SMCO1: variants seen among roughly 807,000 people sequenced by gnomAD.
SMCO1 encodes the protein single-pass membrane protein with coiled-coil domains 1.
SMCO1 carries 9 observed loss-of-function variants against 7.5 expected under a neutral mutation model. The ratio of observed to expected loss-of-function variants is 1.20; its 90% CI spans 0.72 to 2.09. SMCO1 has a LOEUF of 2.09. Among genes scored for constraint, SMCO1 ranks in the 30% most tolerant of loss-of-function variants. SMCO1 has a pLI of 0.00. For missense variants in SMCO1, 219 were observed against 253.1 expected, an observed-to-expected ratio of 0.87 and a Z score of 0.91; for synonymous variants, 90 against 93.8, an observed-to-expected ratio of 0.96 and a Z score of 0.23.
intron 1 of SMCO1, among the ~76,000 whole-genome samples, chr3:196,513,779 G>GT (rs749847474): frequency 6.6e-6 from 1 of 152,136 alleles, no homozygotes; most frequent in African/African-American, 2.4e-5. Flanking sequence ...AGTTGCAGCA[G>GT]TTCTTTGGAA....
intron 1 of SMCO1, among the ~76,000 whole-genome samples, chr3:196,512,668 C>CT (rs1360154339): frequency 4.1e-4 from 62 of 151,870 alleles, no homozygotes; most frequent in African/African-American, 1.4e-3. Context: ...CCACCACATC[C>CT]GGCTAATTTT....
chr3:196,512,657 G>A (rs573156238), intron 1 of SMCO1, among the ~76,000 whole-genome samples: 8 of 151,384 alleles, frequency 5.3e-5, no homozygotes, highest in African/African-American at 7.3e-5. Context: ...GATTACAGGC[G>A]CCACCACATC....
chr3:196,516,029 AT>A (rs1258512199), upstream of SMCO1, among the ~76,000 whole-genome samples: 128 of 116,148 alleles, frequency 1.1e-3, 2 homozygotes, highest in South Asian at 8.2e-3. Context: ...ATATATATAT[AT>A]AATTATATAT....
upstream of SMCO1, among the ~76,000 whole-genome samples, chr3:196,515,992 T>C (rs1432319931): frequency 2.9e-5 from 1 of 34,146 alleles, no homozygotes; most frequent in South Asian, 8.3e-4. Flanking sequence ...GGATAGGATA[T>C]ATATATATAT....
intron 1 of SMCO1, among the ~76,000 whole-genome samples, chr3:196,511,909 G>C (rs1170410479): frequency 5.5e-5 from 6 of 109,796 alleles, no homozygotes; most frequent in African/African-American, 2.3e-4. Context: ...GTAGATTGTT[G>C]TTATGAGGGA....
chr3:196,518,468 C>T (rs181624651), upstream of SMCO1, among the ~76,000 whole-genome samples: 40 of 152,272 alleles, frequency 2.6e-4, 2 homozygotes, highest in Middle Eastern at 0.041. Flanking sequence ...AGCCATATCA[C>T]GATGCTCAGC....
At chr3:196,512,509 CT>C (rs36023059) in intron 1 of SMCO1, among the ~76,000 whole-genome samples, 6,938 of 113,924 alleles carry the variant, frequency 0.061, 94 homozygotes, top group Non-Finnish European at 0.08. Flanking sequence ...TATTTCCTTT[CT>C]TTTTTTTTTT....
chr3:196,516,081 C>T (rs1177951749), upstream of SMCO1, among the ~76,000 whole-genome samples: 2 of 114,342 alleles, frequency 1.7e-5, no homozygotes, highest in Non-Finnish European at 1.9e-5. Context: ...TAATTTATAT[C>T]GTATATAAAA....
At chr3:196,516,818 C>T (rs1733396737), upstream of SMCO1, among the ~76,000 whole-genome samples, 1 of 151,998 alleles carries the variant, frequency 6.6e-6, no homozygotes, top group Admixed American at 6.6e-5. Context: ...TTAATCTAGG[C>T]TCAGGTGCAG....
chr3:196,517,104 C>CAAAAAAAA (rs56104987), upstream of SMCO1, among the ~76,000 whole-genome samples: 36 of 35,738 alleles, frequency 1.0e-3, 8 homozygotes, highest in African/African-American at 5.2e-3. Flanking sequence ...GACTCCATCG[C>CAAAAAAAA]AAAAAAAAAA....
chr3:196,509,469 GA>G, intron 2 of SMCO1, 50 bp downstream of exon 2: 1 of 1,530,112 alleles, frequency 6.5e-7, no homozygotes, highest in Non-Finnish European at 8.9e-7. Context: ...ATGACCAGTG[GA>G]AGCTCTCACA....
Position 196,509,554 on chromosome 3 carries a change from G to A in SMCO1, c.166C>T (p.Gln56Ter). The A allele has an allele frequency of 1.2e-6, 2 of 1,613,920 alleles. No homozygotes were observed. The highest frequency in any genetic ancestry group is 1.7e-6 in the Non-Finnish European group (2 of 1,179,934). The change falls in exon 2 of 3, where the codon CAA (glutamine) becomes TAA (stop). Residue 56 changes from glutamine to a stop codon, truncating the protein, a stop_gained. Coordinates refer to ENST00000397537, the MANE Select transcript of SMCO1 (RefSeq NM_001077657.3). LOFTEE classifies it low-confidence loss of function (END_TRUNC). ...CGAACTGCTGTCCACATCTCATCTT[G>A]GGCTGCTTGGCTTGCCAAAGCCTTA... ...HSKALASQAA[Q>*]DEMWTAVRAL... is the part of the protein sequence containing the mutation.
Position 196,507,264 on chromosome 3 carries a change from C to T in SMCO1, c.*623G>A, listed in dbSNP as rs1044559292. The T allele has an allele frequency of 2.2e-4, 34 of 152,252 alleles. No individual in the cohort carries two copies. Among genetic ancestry groups the T allele is most frequent in the African/African-American group, 7.5e-4 (31 of 41,408 alleles). 9.4% of individuals were successfully genotyped at this position (152,252 alleles called of 1,614,324 possible). On this transcript the variant is annotated 3_prime_UTR_variant, in exon 3 of 3. Coordinates refer to ENST00000397537, the MANE Select transcript of SMCO1 (RefSeq NM_001077657.3). ...TCACCAGGGACCCCTCCCTGTCTGCCTAGGAATTTACCTGCCTCCTATTGC... is the reference window on the plus strand; with the variant it reads ...TCACCAGGGACCCCTCCCTGTCTGCTTAGGAATTTACCTGCCTCCTATTGC...
At chr3:196,512,656 C>T (rs992959626) in intron 1 of SMCO1, among the ~76,000 whole-genome samples, 5 of 151,532 alleles carry the variant, frequency 3.3e-5, no homozygotes, top group Admixed American at 2.6e-4. Flanking sequence ...GGATTACAGG[C>T]GCCACCACAT....
chr3:196,519,377 G>C (rs562972852), upstream of SMCO1, among the ~76,000 whole-genome samples: 1 of 152,204 alleles, frequency 6.6e-6, no homozygotes, highest in Admixed American at 6.5e-5. Context: ...TGTAAGACAC[G>C]TTGGTCCACT....
upstream of SMCO1, among the ~76,000 whole-genome samples, chr3:196,515,650 G>C (rs1256826759): frequency 6.6e-6 from 1 of 151,994 alleles, no homozygotes; most frequent in Admixed American, 6.6e-5. Context: ...GAGTGCCCCA[G>C]ATCTTTTATG....
rs1397994196 is a variant in SMCO1 at position 196,508,323 on chromosome 3, G to T, written c.209C>A (p.Ser70Ter). ...WTAVRALQLTSMELNILYSYV... is the reference protein window; with the variant it reads ...WTAVRALQLT ...GCTGTATAAAATATTCAATTCCATT[G>T]AAGTGAGCCTACAAAAAATATGGAG... The change falls in exon 3 of 3, where the codon TCA becomes TAA. Residue 70 changes from serine to a stop codon, truncating the protein, a stop_gained. Coordinates refer to ENST00000397537, the MANE Select transcript of SMCO1 (RefSeq NM_001077657.3). LOFTEE classifies it low-confidence loss of function (END_TRUNC). 6.3e-7 allele frequency: 1 copy of T among 1,588,776 alleles called. No individual in the cohort carries two copies. The highest frequency in any genetic ancestry group is 8.6e-7 in the Non-Finnish European group (1 of 1,168,090).
rs1733164352 is a variant in SMCO1 at position 196,509,625 on chromosome 3, A to T, written c.95T>A (p.Leu32Gln). 6.2e-7 allele frequency: 1 copy of T among 1,614,052 alleles called. No individual in the cohort carries two copies. Among genetic ancestry groups the T allele is most frequent in the East Asian group, 2.2e-5 (1 of 44,880 alleles). Residue 32 changes from leucine to glutamine, a missense_variant, in exon 2 of 3, where the codon CTA becomes CAA. Leu to Gln is a moderately radical substitution (Grantham distance 113). Coordinates refer to ENST00000397537, the MANE Select transcript of SMCO1 (RefSeq NM_001077657.3). The part of the protein sequence containing the change: ...LQALETQFKE[L>Q]DFTKDNLMQK... Reference sequence around the variant, plus strand: ...CATCAGGTTATCCTTGGTGAAGTCTAGTTCTTTGAACTGTGTTTCTAACGC... The same window carrying T: ...CATCAGGTTATCCTTGGTGAAGTCTTGTTCTTTGAACTGTGTTTCTAACGC...
chr3:196,514,610 AT>A (rs1404536986), intron 1 of SMCO1, among the ~76,000 whole-genome samples: 1 of 152,298 alleles, frequency 6.6e-6, no homozygotes, highest in South Asian at 2.1e-4. Context: ...CAGAAACCAC[AT>A]TTTACTTATT....
Sources: allele counts gnomAD v4.1 joint callset (sites outside exome capture counted in the v4.1 genomes callset), GRCh38; gene constraint gnomAD v4.1.1; transcripts MANE v1.5; gene names NCBI Gene and HGNC (gene_info 2026-07-23, HGNC 2026-07-21).